The following DOCK4 variants were observed in gnomAD, a reference collection of about 807,000 sequenced individuals.
DOCK4 encodes dedicator of cytokinesis protein 4.
Under a neutral mutation model 268.1 loss-of-function variants are expected in DOCK4, and 97 were observed. That is an observed-to-expected ratio of 0.36 (90% CI 0.31 to 0.43). The LOEUF is 0.43. DOCK4 is among the 20% of genes least tolerant of loss of function. DOCK4 has a pLI of 1.00. For missense variants in DOCK4, 2,145 were observed against 2,455.7 expected (o/e 0.87, Z 2.67); for synonymous variants, 954 against 887.2 (o/e 1.08, Z -1.34).
rs554304285 is a variant in DOCK4 at position 111,804,272 on chromosome 7, T to G, written c.3166+4549A>C. On this transcript the variant is annotated intron_variant, in intron 30 of 52. Coordinates refer to ENST00000428084, the MANE Select transcript of DOCK4 (RefSeq NM_001363540.2). ...ATTATTCAGCCTTAAAAAGGAAAAT[T>G]TTGATACATTACAACATGAATGAAT... is the stretch of plus-strand genomic sequence containing the variant. Among the ~76,000 whole-genome samples, 414 of 152,336 alleles carry G rather than the reference T, an allele frequency of 2.7e-3. 7 individuals carry two copies. The highest frequency in any genetic ancestry group is 4.7e-4 in the Non-Finnish European group (32 of 68,030).
intron 8 of DOCK4, among the ~76,000 whole-genome samples, chr7:111,960,193 G>C (rs1393777766): frequency 6.6e-6 from 1 of 151,486 alleles, no homozygotes; most frequent in Non-Finnish European, 1.5e-5. Context: ...GTGAAACCCC[G>C]TCTCTACTAA....
chr7:111,753,011 G>GGGC (rs1554581817), intron 42 of DOCK4, among the ~76,000 whole-genome samples: 1 of 144,514 alleles, frequency 6.9e-6, no homozygotes, highest in Non-Finnish European at 1.5e-5. Context: ...CTATTGGGGG[G>GGGC]GGGGTCTGTG....
intron 27 of DOCK4, among the ~76,000 whole-genome samples, chr7:111,814,949 G>A (rs1022915800): frequency 2.6e-5 from 4 of 152,104 alleles, no homozygotes; most frequent in African/African-American, 9.7e-5. Context: ...GTGACACGAT[G>A]ACTTTCATTA....
chr7:111,881,761 T>A (rs1356877792), intron 16 of DOCK4, among the ~76,000 whole-genome samples: 6 of 152,182 alleles, frequency 3.9e-5, no homozygotes, highest in Non-Finnish European at 7.3e-5. Context: ...AAGAATGAGA[T>A]CCTGTCATTT....
intron 4 of DOCK4, among the ~76,000 whole-genome samples, chr7:111,997,499 T>C (rs1800064018): frequency 6.6e-6 from 1 of 152,226 alleles, no homozygotes; most frequent in African/African-American, 2.4e-5. Flanking sequence ...GCCACATGCA[T>C]AGGCTGTTTC....
chr7:111,924,593 A>G (rs1182260972), intron 12 of DOCK4, among the ~76,000 whole-genome samples: 1 of 152,152 alleles, frequency 6.6e-6, no homozygotes, highest in Non-Finnish European at 1.5e-5. Context: ...TTTGCTGTCT[A>G]CACTTAGGAA....
intron 30 of DOCK4, among the ~76,000 whole-genome samples, chr7:111,798,606 G>C (rs1800061478): frequency 6.6e-6 from 1 of 152,188 alleles, no homozygotes; most frequent in Non-Finnish European, 1.5e-5. Context: ...TAATTTAACT[G>C]TTTACACCCC....
chr7:112,136,442 G>A (rs1176570001), intron 1 of DOCK4, among the ~76,000 whole-genome samples: 2 of 152,106 alleles, frequency 1.3e-5, no homozygotes, highest in Non-Finnish European at 2.9e-5. Flanking sequence ...AGACAATTAC[G>A]AGAAGATAAA....
chr7:112,162,938 A>C (rs1817265238), intron 1 of DOCK4, among the ~76,000 whole-genome samples: 1 of 152,198 alleles, frequency 6.6e-6, no homozygotes, highest in Non-Finnish European at 1.5e-5. Flanking sequence ...TCTTTGTAAC[A>C]GATTTCTTTG....
intron 12 of DOCK4, 113 bp downstream of exon 12, chr7:111,935,427 G>A: frequency 5.8e-6 from 5 of 867,690 alleles, no homozygotes; most frequent in Non-Finnish European, 9.8e-6. Flanking sequence ...TTAAAGTTAG[G>A]GAGTGAATAG....
At chr7:111,755,660 T>C in intron 41 of DOCK4, 59 bp from the exon 42 acceptor site, 3 of 1,490,180 alleles carry the variant, frequency 2.0e-6, no homozygotes, top group Non-Finnish European at 2.8e-6. Flanking sequence ...GCTACTTCCA[T>C]GACTAGTGTT....
intron 1 of DOCK4, among the ~76,000 whole-genome samples, chr7:112,044,436 A>C (rs1804656740): frequency 6.6e-6 from 1 of 152,326 alleles, no homozygotes; most frequent in South Asian, 2.1e-4. Flanking sequence ...GGATGATCTT[A>C]GATATTTTTA....
At chr7:111,883,543 T>C (rs1184889183) in intron 16 of DOCK4, among the ~76,000 whole-genome samples, 1 of 152,158 alleles carries the variant, frequency 6.6e-6, no homozygotes, top group Non-Finnish European at 1.5e-5. Flanking sequence ...CCTAACTGCC[T>C]GCCATCTCTG....
intron 1 of DOCK4, among the ~76,000 whole-genome samples, chr7:112,082,287 T>C (rs545593586): frequency 4.6e-5 from 7 of 152,310 alleles, no homozygotes; most frequent in South Asian, 2.1e-4. Context: ...TCATACATTA[T>C]TGTAATGTCA....
chr7:111,749,866 C>CTAGT (rs1048096214), intron 42 of DOCK4, among the ~76,000 whole-genome samples: 3 of 152,140 alleles, frequency 2.0e-5, no homozygotes, highest in African/African-American at 7.2e-5. Context: ...ATTCCTAAGA[C>CTAGT]TAGTTATCCC....
chr7:112,021,986 C>T (rs1011378961), intron 1 of DOCK4, among the ~76,000 whole-genome samples: 4 of 152,090 alleles, frequency 2.6e-5, no homozygotes, highest in African/African-American at 4.8e-5. Context: ...TTTATGCTTC[C>T]GATTAATGTC....
intron 12 of DOCK4, among the ~76,000 whole-genome samples, chr7:111,934,970 A>G (rs1052749798): frequency 1.3e-5 from 2 of 151,558 alleles, no homozygotes; most frequent in East Asian, 3.9e-4. Context: ...TCTTTGAGAC[A>G]GAGTCTTACT....
Position 111,998,448 on chromosome 7 carries a change from C to T in DOCK4, c.218G>A (p.Gly73Glu). Residue 73 changes from glycine to glutamate, a missense_variant and splice_region_variant, in exon 4 of 53, where the codon GGA (glycine) becomes GAA (glutamate). Coordinates refer to ENST00000428084, the MANE Select transcript of DOCK4 (RefSeq NM_001363540.2). ...HLKNACVKNK[G>E]QFEMVIPTED... ...ACTACTAATAAAACTCATTTCTTAC[C>T]CTTTGTTCTTTACACAGGCATTTTT... 6.3e-7 allele frequency: 1 copy of T among 1,577,896 alleles called. No individual in the cohort carries two copies. Among genetic ancestry groups the T allele is most frequent in the Non-Finnish European group, 8.6e-7 (1 of 1,159,272 alleles).
chr7:112,041,032 A>G (rs2135506624), intron 1 of DOCK4, among the ~76,000 whole-genome samples: 1 of 152,260 alleles, frequency 6.6e-6, no homozygotes, highest in East Asian at 1.9e-4. Flanking sequence ...TTTTGGTAAG[A>G]CAATGATAAC....
Sources: allele counts gnomAD v4.1 joint callset (sites outside exome capture counted in the v4.1 genomes callset), GRCh38; gene constraint gnomAD v4.1.1; transcripts MANE v1.5; gene names NCBI Gene and HGNC (gene_info 2026-07-23, HGNC 2026-07-21).